TRAF7: variants seen among roughly 807,000 people sequenced by gnomAD.
TRAF7 encodes E3 ubiquitin-protein ligase TRAF7.
A neutral mutation model predicts 89.3 loss-of-function variants in TRAF7; 45 were observed. The observed-to-expected ratio is 0.50, with a 90% confidence interval of 0.40 to 0.65. The LOEUF (loss-of-function observed/expected upper bound fraction) is 0.65. TRAF7 is among the 30% of genes least tolerant of loss of function. The pLI, the probability that TRAF7 is intolerant of heterozygous loss-of-function variation, is 0.00. For missense variants in TRAF7, 677 were observed against 918.1 expected (o/e 0.74, Z 3.39); for synonymous variants, 406 against 369.2 (o/e 1.10, Z -1.14).
intron 1 of TRAF7, among the ~76,000 whole-genome samples, chr16:2,156,613 G>A (rs1180491864): frequency 1.3e-5 from 2 of 151,872 alleles, no homozygotes; most frequent in Non-Finnish European, 2.9e-5. Flanking sequence ...ATTCCAAGTA[G>A]AAAGAGCCAG....
chr16:2,170,159 C>T (rs893379132), intron 4 of TRAF7, among the ~76,000 whole-genome samples: 1 of 152,168 alleles, frequency 6.6e-6, no homozygotes, highest in Non-Finnish European at 1.5e-5. Context: ...CAAGGCCAGA[C>T]AAGCAGCCAG....
chr16:2,168,719 C>T lies in TRAF7; in HGVS notation c.231+551C>T, dbSNP rs1198863347. Among the ~76,000 whole-genome samples the T allele has an allele frequency of 6.6e-6, 1 of 152,054 alleles. No homozygotes were observed. The highest frequency in any genetic ancestry group is 1.9e-4 in the East Asian group (1 of 5,186). On this transcript the variant is annotated intron_variant, in intron 4 of 20. Coordinates refer to ENST00000326181, the MANE Select transcript of TRAF7 (RefSeq NM_032271.3). This position sits in a 1 kb window ranked among gnomAD's most constrained non-coding sequence, Gnocchi z 4.1. Reference sequence around the variant, plus strand: ...TGGCTGTGTGAGGTGCAGAAAGGATCAGGGCAGTCGGGGGCTGGCTGCTGG... The same window carrying T: ...TGGCTGTGTGAGGTGCAGAAAGGATTAGGGCAGTCGGGGGCTGGCTGCTGG...
chr16:2,176,854 C>T lies in TRAF7; in HGVS notation c.*280C>T. ...ATCCCCACCCTAGATGGAGCGAGGG[C>T]CTTTTTACTCACCTTTTCTACCGTT... On this transcript the variant is annotated 3_prime_UTR_variant, in exon 21 of 21. Coordinates refer to ENST00000326181, the MANE Select transcript of TRAF7 (RefSeq NM_032271.3). The T allele has an allele frequency of 3.5e-6, 2 of 567,072 alleles. No homozygotes were observed. Among genetic ancestry groups the T allele is most frequent in the Non-Finnish European group, 6.3e-6 (2 of 317,110 alleles). The allele number at this position is 567,072 out of a possible 1,614,324, so 35.1% of individuals were successfully genotyped here.
Position 2,173,299 on chromosome 16 carries a change from T to A in TRAF7, c.912T>A (p.Ala304=). ...TDDRFHEMHV[A]LAQKDQEIAF... ...ACCGCTTCCACGAGATGCACGTGGCTCTGGCCCAGAAGGACCAGGAGATCG... is the reference window on the plus strand; with the variant it reads ...ACCGCTTCCACGAGATGCACGTGGCACTGGCCCAGAAGGACCAGGAGATCG... Residue 304 remains alanine (A), a synonymous_variant, in exon 10 of 21, where the codon GCT becomes GCA. Coordinates refer to ENST00000326181, the MANE Select transcript of TRAF7 (RefSeq NM_032271.3). The A allele has an allele frequency of 6.2e-7, 1 of 1,613,532 alleles. No individual in the cohort carries two copies. Among genetic ancestry groups the A allele is most frequent in the Non-Finnish European group, 8.5e-7 (1 of 1,179,976 alleles).
chr16:2,165,365 C>T (rs1212430536), intron 2 of TRAF7, among the ~76,000 whole-genome samples: 47 of 118,594 alleles, frequency 4.0e-4, no homozygotes, highest in Admixed American at 5.1e-4. Context: ...GTGAGTGCTG[C>T]GTGGCGCGGC....
chr16:2,156,096 T>G (rs966736400), intron 1 of TRAF7, among the ~76,000 whole-genome samples: 9 of 152,048 alleles, frequency 5.9e-5, no homozygotes, highest in Non-Finnish European at 7.4e-5. Context: ...GCGCAGTTCT[T>G]TACTCATTCC....
chr16:2,157,798 G>A (rs1044800998), intron 1 of TRAF7, among the ~76,000 whole-genome samples: 11 of 152,132 alleles, frequency 7.2e-5, no homozygotes, highest in Admixed American at 3.3e-4. Flanking sequence ...TGTGGCAGCC[G>A]TGGACGAAGC....
In TRAF7 at chr16:2,168,063, C is replaced by G. The variant is rs549092067; in HGVS notation, c.140-14C>G. ...GGGAGCCCCCACTGAGACGCCAGCC[C>G]TCTTGCCTTGCAGCTGACGGGACCA... On this transcript the variant is annotated splice_polypyrimidine_tract_variant and intron_variant, in intron 3 of 20. Transcript: ENST00000326181. The surrounding 1 kb of genome is among the most constrained non-coding windows in gnomAD (Gnocchi z 4.1). 6.2e-7 allele frequency: 1 copy of G among 1,609,892 alleles called. No individual in the cohort carries two copies. Among genetic ancestry groups the G allele is most frequent in the South Asian group, 1.1e-5 (1 of 91,018 alleles).
rs1210218190 is a variant in TRAF7 at position 2,177,955 on chromosome 16, C to CT, written c.*1382dup. 3.5e-5 allele frequency: 13 copies of CT among 367,628 alleles called. No homozygotes were observed. Among genetic ancestry groups the CT allele is most frequent in the South Asian group, 1.9e-4 (7 of 37,606 alleles). The allele number at this position is 367,628 out of a possible 1,614,324, so 22.8% of individuals were successfully genotyped here. A position where few individuals can be genotyped will look rare whatever the true frequency, so the allele number is the denominator to read the frequency against. On this transcript the variant is annotated 3_prime_UTR_variant, in exon 21 of 21. Transcript: ENST00000326181. Reference sequence around the variant, plus strand: ...GACCGCAGGCAGACAGCCTGGGCCTCTAACAGCTTTTGTCCGGAGCTAGAC... The same window carrying CT: ...GACCGCAGGCAGACAGCCTGGGCCTCTTAACAGCTTTTGTCCGGAGCTAGAC...
intron 3 of TRAF7, among the ~76,000 whole-genome samples, chr16:2,167,780 C>T (rs1224531564): frequency 1.3e-5 from 2 of 152,166 alleles, no homozygotes; most frequent in Non-Finnish European, 2.9e-5. Context: ...CTTGTAGAGG[C>T]CCTGAAAGAA....
rs1401680542 is a variant in TRAF7 at position 2,158,554 on chromosome 16, A to C, written c.-39+2696A>C. On this transcript the variant is annotated intron_variant, in intron 1 of 20. Coordinates refer to ENST00000326181, the MANE Select transcript of TRAF7 (RefSeq NM_032271.3). The surrounding 1 kb of genome is among the most constrained non-coding windows in gnomAD (Gnocchi z 4.7). ...GGGACGGTGTGGGAAAGGAGGTGGC[A>C]GTGCGGTGGCACGCTGGCATGAGGG... Among the ~76,000 whole-genome samples the C allele has an allele frequency of 6.6e-6, 1 of 152,226 alleles. No homozygotes were observed. The highest frequency in any genetic ancestry group is 6.5e-5 in the Admixed American group (1 of 15,278).
chr16:2,176,217 G>T lies in TRAF7; in HGVS notation c.1878+37G>T, dbSNP rs764092886. 7 of 1,601,314 alleles carry T rather than the reference G, an allele frequency of 4.4e-6. No homozygotes were observed. The East Asian group carries it at 1.6e-4, about 36-fold the overall frequency. On this transcript the variant is annotated intron_variant, in intron 19 of 20. Coordinates refer to ENST00000326181, the MANE Select transcript of TRAF7 (RefSeq NM_032271.3). ...CCCAGCGGTGGCAGGAGGCTCAGAGGGCTGGCAGCTGAGCTCCGGCGGGCC... is the reference window on the plus strand; with the variant it reads ...CCCAGCGGTGGCAGGAGGCTCAGAGTGCTGGCAGCTGAGCTCCGGCGGGCC...
intron 17 of TRAF7, 49 bp downstream of exon 17, chr16:2,175,671 A>C (rs1250087702): frequency 1.8e-5 from 28 of 1,599,444 alleles, no homozygotes; most frequent in Non-Finnish European, 2.3e-5. Context: ...TCCTACCAGC[A>C]CTTCCCAGGC....
At chr16:2,172,631 GT>G in intron 9 of TRAF7, 32 bp downstream of exon 9, 10 of 1,332,030 alleles carry the variant, frequency 7.5e-6, no homozygotes, top group Non-Finnish European at 8.4e-6. Context: ...GTGGGCCGGG[GT>G]GGGCGCAGGC....
rs2093048147 is a variant in TRAF7, at chr16:2,159,296, T to G, written c.-39+3438T>G. Among the ~76,000 whole-genome samples the G allele has an allele frequency of 6.7e-6, 1 of 150,290 alleles. No individual in the cohort carries two copies. ...TTGGGGGCAGGGACAGGCAAGGGGG[T>G]TCGCCGTGCTAGGAGGGAAGCGGGG... On this transcript the variant is annotated intron_variant, in intron 1 of 20. Coordinates refer to ENST00000326181, the MANE Select transcript of TRAF7 (RefSeq NM_032271.3). The surrounding 1 kb of genome is among the most constrained non-coding windows in gnomAD (Gnocchi z 6.5).
intron 12 of TRAF7, 23 bp downstream of exon 12, chr16:2,173,859 T>TGGGGGGGCCCCCCCC: frequency 8.8e-6 from 11 of 1,246,110 alleles, no homozygotes; most frequent in Non-Finnish European, 9.9e-6. Flanking sequence ...CCGCCGTGGC[T>TGGGGGGGCCCCCCCC]CCCGCCCACC....
intron 3 of TRAF7, among the ~76,000 whole-genome samples, chr16:2,167,813 G>A (rs2093092411): frequency 6.6e-6 from 1 of 152,164 alleles, no homozygotes; most frequent in African/African-American, 2.4e-5. Context: ...GGTAGGCAGG[G>A]CTGGGGCAGG....
Position 2,175,954 on chromosome 16 carries a change from G to A in TRAF7, c.1746+1G>A, listed in dbSNP as rs756230613. 2.5e-6 allele frequency: 4 copies of A among 1,613,008 alleles called. No individual in the cohort carries two copies. Among genetic ancestry groups the A allele is most frequent in the South Asian group, 1.1e-5 (1 of 91,088 alleles). On this transcript the variant is annotated splice_donor_variant, in intron 18 of 20. Transcript: ENST00000326181. LOFTEE classifies it high-confidence loss of function. ...TGGCACCTACGAGAACCTCATCCAC[G>A]TAAGGCCTGGGCATCTGGGTGCAAG...
At chr16:2,160,685 G>C (rs772955137) in intron 1 of TRAF7, among the ~76,000 whole-genome samples, 2 of 152,128 alleles carry the variant, frequency 1.3e-5, no homozygotes, top group African/African-American at 2.4e-5. Context: ...GGTTTGGGAA[G>C]AGTCTCTCAT....
Sources: allele counts gnomAD v4.1 joint callset (sites outside exome capture counted in the v4.1 genomes callset), GRCh38; gene constraint gnomAD v4.1.1; non-coding constraint Gnocchi (gnomAD v3.1); transcripts MANE v1.5; gene names NCBI Gene and HGNC (gene_info 2026-07-23, HGNC 2026-07-21).